APP: variants seen among roughly 807,000 people sequenced by gnomAD.
APP encodes amyloid-beta precursor protein.
APP carries 31 observed loss-of-function variants against 101.4 expected under a neutral mutation model. The observed-to-expected ratio is 0.31, with a 90% CI of 0.23 to 0.41. The LOEUF is 0.41. APP is among the 10% of genes least tolerant of loss of function. APP has a pLI of 1.00. For missense variants in APP, 839 were observed against 1,003.7 expected (o/e 0.84, Z 2.22); for synonymous variants, 366 against 364.4 (o/e 1.00, Z -0.05).
intron 1 of APP, among the ~76,000 whole-genome samples, chr21:26,169,060 A>C (rs187386662): frequency 1.3e-5 from 2 of 152,344 alleles, no homozygotes. Flanking sequence ...GCCAAACAGG[A>C]ACCCAACCGA....
At chr21:26,031,043 T>G (rs1434786797) in intron 5 of APP, among the ~76,000 whole-genome samples, 4 of 152,100 alleles carry the variant, frequency 2.6e-5, no homozygotes, top group African/African-American at 7.3e-5. Context: ...GTGACAAGTG[T>G]TACAGAGAAA....
intron 8 of APP, among the ~76,000 whole-genome samples, chr21:25,992,122 C>A (rs1051833207): frequency 4.6e-5 from 7 of 152,198 alleles, no homozygotes; most frequent in Non-Finnish European, 1.0e-4. Flanking sequence ...GTGGCTCACA[C>A]GTGTAATCGA....
chr21:26,120,225 G>C (rs1000086194), intron 1 of APP, among the ~76,000 whole-genome samples: 2 of 152,172 alleles, frequency 1.3e-5, no homozygotes, highest in Admixed American at 1.3e-4. Context: ...AAAATACTAA[G>C]TGATAGAATC....
In APP at chr21:25,909,420, C is replaced by A. The variant is rs573773989; in HGVS notation, c.1909+2321G>T. Among the ~76,000 whole-genome samples, 59 of 152,182 alleles carry A rather than the reference C, an allele frequency of 3.9e-4. 1 individual carries two copies. In the South Asian group the frequency reaches 0.012, roughly 31 times the overall value. On this transcript the variant is annotated intron_variant, in intron 14 of 17. Transcript: ENST00000346798. ...TCTATTGCCTCCCAAAATTGTTATA[C>A]CAGATTCTACTGTTCAAACAGAATC...
chr21:25,983,356 C>T (rs940238578), intron 8 of APP, among the ~76,000 whole-genome samples: 11 of 152,156 alleles, frequency 7.2e-5, no homozygotes. Context: ...TTTTCACTAT[C>T]TTTTGAGATC....
chr21:25,899,201 A>G (rs375263302), intron 15 of APP, among the ~76,000 whole-genome samples: 3 of 152,284 alleles, frequency 2.0e-5, no homozygotes, highest in South Asian at 4.2e-4. Flanking sequence ...CCAGCTTTCC[A>G]CAAAGACCAC....
intron 6 of APP, among the ~76,000 whole-genome samples, chr21:26,006,242 T>G (rs919111934): frequency 6.6e-6 from 1 of 152,184 alleles, no homozygotes; most frequent in African/African-American, 2.4e-5. Flanking sequence ...ACCACAATCC[T>G]TTATTGATGT....
intron 1 of APP, among the ~76,000 whole-genome samples, chr21:26,143,288 C>T (rs1219918883): frequency 6.6e-6 from 1 of 152,120 alleles, no homozygotes; most frequent in Non-Finnish European, 1.5e-5. Flanking sequence ...GCCTAAGTAA[C>T]ATAGCAAGAC....
chr21:25,992,048 T>G (rs1335328064), intron 8 of APP, among the ~76,000 whole-genome samples: 1 of 152,188 alleles, frequency 6.6e-6, no homozygotes, highest in Non-Finnish European at 1.5e-5. Context: ...TCTCTCACAG[T>G]GCAACGTACA....
intron 1 of APP, among the ~76,000 whole-genome samples, chr21:26,153,882 C>T (rs2063325711): frequency 6.6e-6 from 1 of 152,196 alleles, no homozygotes; most frequent in African/African-American, 2.4e-5. Flanking sequence ...ACTCAGTCAA[C>T]ATCCATGCTG....
chr21:26,141,619 A>G (rs1488940632), intron 1 of APP, among the ~76,000 whole-genome samples: 2 of 152,232 alleles, frequency 1.3e-5, no homozygotes, highest in African/African-American at 4.8e-5. Context: ...AATAGAAGAC[A>G]CTATGAGCCA....
At chr21:25,900,550 ACT>A (rs1401068181) in intron 15 of APP, among the ~76,000 whole-genome samples, 4 of 151,822 alleles carry the variant, frequency 2.6e-5, no homozygotes, top group East Asian at 1.9e-4. Context: ...ACAGAATGAG[ACT>A]CTGTCTCCAA....
chr21:26,001,398 G>A (rs935957506), intron 6 of APP, among the ~76,000 whole-genome samples: 19 of 152,180 alleles, frequency 1.2e-4, no homozygotes, highest in African/African-American at 2.7e-4. Context: ...CTAGACTGAC[G>A]CCTTAGCACA....
intron 1 of APP, among the ~76,000 whole-genome samples, chr21:26,130,378 G>T (rs2062768721): frequency 6.6e-6 from 1 of 152,218 alleles, no homozygotes. Context: ...GTGTCTCTCT[G>T]AAGTGGTGAC....
In APP at chr21:26,028,053, G is replaced by A. The variant is rs139476948; in HGVS notation, c.663-6011C>T. ...CTACTAAAAATACAAAAAATTAGCT[G>A]GACGTGGGGGTGCACGCCTGTAATC... On this transcript the variant is annotated intron_variant, in intron 5 of 17. Transcript: ENST00000346798. Among the ~76,000 whole-genome samples the A allele has an allele frequency of 2.8e-3, 425 of 151,958 alleles. 3 individuals carry two copies. The highest frequency in any genetic ancestry group is 9.7e-3 in the African/African-American group (403 of 41,438).
intron 2 of APP, among the ~76,000 whole-genome samples, chr21:26,092,567 G>A (rs1471356833): frequency 5.3e-5 from 8 of 152,140 alleles, no homozygotes; most frequent in Admixed American, 5.2e-4. Flanking sequence ...GATTTTTAGG[G>A]CAGTGAAACT....
intron 2 of APP, among the ~76,000 whole-genome samples, chr21:26,090,727 C>A (rs911509594): frequency 6.6e-6 from 1 of 152,144 alleles, no homozygotes; most frequent in African/African-American, 2.4e-5. Flanking sequence ...TAGTAAAATT[C>A]AACCTCCCCC....
At chr21:25,992,403 T>A (rs919765022) in intron 8 of APP, among the ~76,000 whole-genome samples, 7 of 149,872 alleles carry the variant, frequency 4.7e-5, no homozygotes, top group Non-Finnish European at 4.4e-5. Flanking sequence ...AAAAAAAAAA[T>A]TGTATAAAAT....
intron 9 of APP, among the ~76,000 whole-genome samples, chr21:25,979,873 T>TA (rs368916277): frequency 1 from 152,077 of 152,078 alleles, 76,038 homozygotes; most frequent in Non-Finnish European, 1. Context: ...TGACTTGAGG[T>TA]CTCAAGGTTT....
Sources: allele counts gnomAD v4.1 joint callset (sites outside exome capture counted in the v4.1 genomes callset), GRCh38; gene constraint gnomAD v4.1.1; transcripts MANE v1.5; gene names NCBI Gene and HGNC (gene_info 2026-07-23, HGNC 2026-07-21).